ARHGAP28: variants seen among roughly 807,000 people sequenced by gnomAD.
ARHGAP28 encodes the protein Rho GTPase activating protein 28.
ARHGAP28 carries 56 observed loss-of-function variants against 90.7 expected under a neutral mutation model. The ratio of observed to expected loss-of-function variants is 0.62; its 90% CI spans 0.50 to 0.77. The LOEUF is 0.77. Among genes scored for constraint, ARHGAP28 ranks in the 30% least tolerant of loss-of-function variants. The pLI is 0.00. For missense variants in ARHGAP28, 869 were observed against 900.9 expected (o/e 0.96, Z 0.45); for synonymous variants, 308 against 323.3 (o/e 0.95, Z 0.51).
intron 14 of ARHGAP28, among the ~76,000 whole-genome samples, chr18:6,893,678 T>C (rs2057282761): frequency 1.3e-5 from 2 of 152,120 alleles, no homozygotes; most frequent in Admixed American, 6.5e-5. Flanking sequence ...TTCATAGAGC[T>C]GTCATTAGGA....
intron 10 of ARHGAP28, among the ~76,000 whole-genome samples, chr18:6,878,094 A>C (rs1363483416): frequency 6.6e-6 from 1 of 152,146 alleles, no homozygotes; most frequent in African/African-American, 2.4e-5. Context: ...AACATTACAG[A>C]GCATTGTCCA....
chr18:6,866,715 AT>A (rs2057040749), intron 5 of ARHGAP28, among the ~76,000 whole-genome samples: 1 of 152,196 alleles, frequency 6.6e-6, no homozygotes, highest in Non-Finnish European at 1.5e-5. Flanking sequence ...TCCCATAATT[AT>A]TTACATTACA....
At chr18:6,867,998 G>A in intron 5 of ARHGAP28, 152 bp from the exon 6 acceptor site, 1 of 627,092 alleles carries the variant, frequency 1.6e-6, no homozygotes, top group Middle Eastern at 3.1e-4. Flanking sequence ...TGCAGAAACA[G>A]GAAATCAGAT....
rs546088167 is a variant in ARHGAP28 at position 6,850,926 on chromosome 18, AG to A, written c.544-106del. On this transcript the variant is annotated intron_variant, in intron 3 of 17. Coordinates refer to ENST00000383472, the MANE Select transcript of ARHGAP28 (RefSeq NM_001366230.1). ...GTAGTCATTAATTGTATATATCTCC[AG>A]GCAGCTGTACATATATATAAAAACT... is the stretch of plus-strand genomic sequence containing the variant. 102 of 1,541,034 alleles carry A rather than the reference AG, an allele frequency of 6.6e-5. 2 individuals are homozygous for A. In the South Asian group the frequency reaches 1.2e-3, roughly 18 times the overall value.
rs1020853485 is a variant in ARHGAP28, at chr18:6,913,213, G to C, written c.*1059G>C. 27 of 152,182 alleles carry C rather than the reference G, an allele frequency of 1.8e-4. No individual in the cohort carries two copies. Among genetic ancestry groups the C allele is most frequent in the Non-Finnish European group, 1.5e-5 (1 of 68,046 alleles). 9.4% of individuals were successfully genotyped at this position (152,182 alleles called of 1,614,324 possible). On this transcript the variant is annotated 3_prime_UTR_variant, in exon 18 of 18. Transcript: ENST00000383472. ...AGGCTTAAAATCAGATGCATGTCTG[G>C]TAAGATGACCACTGTCTCACTATCA...
At chr18:6,752,828 G>A (rs557943560) in intron 1 of ARHGAP28, among the ~76,000 whole-genome samples, 5 of 152,326 alleles carry the variant, frequency 3.3e-5, no homozygotes, top group Admixed American at 1.3e-4. Flanking sequence ...CAGGAATGCA[G>A]AAGTTTGGGC....
intron 1 of ARHGAP28, among the ~76,000 whole-genome samples, chr18:6,773,033 C>T (rs530760628): frequency 1.3e-4 from 20 of 152,254 alleles, no homozygotes; most frequent in African/African-American, 4.8e-4. Context: ...TTTATCTGGA[C>T]ATAACTCCAT....
chr18:6,810,778 TAAAG>T (rs139385900), intron 1 of ARHGAP28, among the ~76,000 whole-genome samples: 2,743 of 152,196 alleles, frequency 0.018, 86 homozygotes, highest in African/African-American at 0.063. Context: ...TGCCAGTAGA[TAAAG>T]AAAGAGCATT....
intron 1 of ARHGAP28, among the ~76,000 whole-genome samples, chr18:6,733,836 C>A (rs7505315): frequency 0.27 from 40,772 of 151,888 alleles, 6,262 homozygotes; most frequent in South Asian, 0.33. Context: ...ACAACAACAA[C>A]AAAAAAACAT....
chr18:6,821,530 C>T (rs966777635), intron 1 of ARHGAP28, among the ~76,000 whole-genome samples: 7 of 152,264 alleles, frequency 4.6e-5, no homozygotes, highest in South Asian at 2.1e-4. Flanking sequence ...GTCAAAATTA[C>T]GTAATGTTTC....
intron 5 of ARHGAP28, among the ~76,000 whole-genome samples, chr18:6,865,459 A>G (rs960812222): frequency 6.6e-6 from 1 of 152,188 alleles, no homozygotes; most frequent in Non-Finnish European, 1.5e-5. Flanking sequence ...GGATTTGTCC[A>G]TTCTGATCTT....
Position 6,766,440 on chromosome 18 carries a change from C to T in ARHGAP28, c.122+36497C>T, listed in dbSNP as rs927249252. Among the ~76,000 whole-genome samples, 7 of 152,246 alleles carry T rather than the reference C, an allele frequency of 4.6e-5. 2 individuals are homozygous for T. ...GACCTCCTTTCCAAAGAGTGGAATA[C>T]TTAGCCCACAGCCTCAGTTGCCACA... is the stretch of plus-strand genomic sequence containing the variant. On this transcript the variant is annotated intron_variant, in intron 1 of 17. Transcript: ENST00000383472.
Position 6,894,693 on chromosome 18 carries a change from G to A in ARHGAP28, c.1849-142G>A, listed in dbSNP as rs9951675. On this transcript the variant is annotated intron_variant, in intron 14 of 17. Coordinates refer to ENST00000383472, the MANE Select transcript of ARHGAP28 (RefSeq NM_001366230.1). ...AGGATAAATGCATAGATGTGGAGCTGTTGGATTAAAGTGCATATACATTTT... is the reference window on the plus strand; with the variant it reads ...AGGATAAATGCATAGATGTGGAGCTATTGGATTAAAGTGCATATACATTTT... 4.1e-3 allele frequency: 2,638 copies of A among 649,580 alleles called. 59 individuals carry two copies. In the African/African-American group the frequency reaches 0.044, roughly 11 times the overall value. 40.2% of individuals were successfully genotyped at this position (649,580 alleles called of 1,614,324 possible). A position where few individuals can be genotyped will look rare whatever the true frequency, so the allele number is the denominator to read the frequency against.
chr18:6,914,520 G>A lies in ARHGAP28; in HGVS notation c.*2366G>A, dbSNP rs1381551558. The A allele has an allele frequency of 1.3e-5, 2 of 152,070 alleles. No homozygotes were observed. The highest frequency in any genetic ancestry group is 2.9e-5 in the Non-Finnish European group (2 of 67,980). The allele number at this position is 152,070 out of a possible 1,614,324, so 9.4% of individuals were successfully genotyped here. ...TTCTTTTGACCAATTTTATTCCTAA[G>A]AATAAACAAACCCCTACAGTTAAAA... On this transcript the variant is annotated 3_prime_UTR_variant, in exon 18 of 18. Transcript: ENST00000383472.
At chr18:6,786,786 CT>C (rs889276658) in intron 1 of ARHGAP28, among the ~76,000 whole-genome samples, 5 of 150,436 alleles carry the variant, frequency 3.3e-5, no homozygotes, top group Non-Finnish European at 5.9e-5. Context: ...AAGCTATTTG[CT>C]GTGGGGAAAA....
At position 6,899,087 on chromosome 18, in the gene ARHGAP28, C is replaced by G. The variant is rs2057324748; in HGVS notation, c.2030+2461C>G. Among the ~76,000 whole-genome samples, 3 of 152,110 alleles carry G rather than the reference C, an allele frequency of 2.0e-5. No homozygotes were observed. In the South Asian group the frequency reaches 6.2e-4, roughly 32 times the overall value. On this transcript the variant is annotated intron_variant, in intron 16 of 17. Transcript: ENST00000383472. ...AAAAAAATCTTGCCCTATCCATTCT[C>G]TTTACTTGTTAGAACTATGGCCTAT...
In ARHGAP28 at chr18:6,896,615, A is replaced by G. The variant is rs142016983; in HGVS notation, c.2019A>G (p.Gln673=). Residue 673 remains glutamine (Q), a synonymous_variant, in exon 16 of 18, where the codon CAA becomes CAG. Transcript: ENST00000383472. The stretch of plus-strand genomic sequence containing the variant: ...CCAAAGACATATTGGCAAAATTTCA[A>G]TATGAAAACAGGTGAGTCAATGTGA... ...TKAKDILAKF[Q]YENSHGSSEC... 3.4e-4 allele frequency: 543 copies of G among 1,614,090 alleles called. 4 individuals are homozygous for G. In the African/African-American group the frequency reaches 6.1e-3, roughly 18 times the overall value.
Position 6,841,208 on chromosome 18 carries a change from C to CTCTCTCTCTCT in ARHGAP28, c.543+3794_543+3795insTCTCTCTCTCT, listed in dbSNP as rs1555631529. On this transcript the variant is annotated intron_variant, in intron 3 of 17. Transcript: ENST00000383472. ...CTCTCTCTCTCTCTCTCTCTCCTCTCCTCTCTCTCTCTCTCCCCCCAACCC... is the reference window on the plus strand; with the variant it reads ...CTCTCTCTCTCTCTCTCTCTCCTCTCTCTCTCTCTCTCTCTCTCTCTCTCTCCCCCCAACCC... 4.4e-3 allele frequency among the ~76,000 whole-genome samples: 189 copies of CTCTCTCTCTCT among 42,982 alleles called. 5 individuals are homozygous for CTCTCTCTCTCT. Among genetic ancestry groups the CTCTCTCTCTCT allele is most frequent in the Admixed American group, 7.2e-3 (25 of 3,476 alleles). The allele number at this position is 42,982 out of a possible 152,430, so 28.2% of individuals were successfully genotyped here.
intron 10 of ARHGAP28, among the ~76,000 whole-genome samples, chr18:6,877,343 GGGTGA>G (rs1384612585): frequency 6.6e-6 from 1 of 152,182 alleles, no homozygotes; most frequent in African/African-American, 2.4e-5. Flanking sequence ...GGATTGGCTG[GGGTGA>G]GGCTCTAACC....
Sources: allele counts gnomAD v4.1 joint callset (sites outside exome capture counted in the v4.1 genomes callset), GRCh38; gene constraint gnomAD v4.1.1; transcripts MANE v1.5; gene names NCBI Gene and HGNC (gene_info 2026-07-23, HGNC 2026-07-21).